Variants in SLC1A7 observed in about 807,000 individuals in gnomAD.
SLC1A7 encodes the protein excitatory amino acid transporter 5.
A neutral mutation model predicts 47.7 loss-of-function variants in SLC1A7; 40 were observed. The ratio of observed to expected loss-of-function variants is 0.84; its 90% CI spans 0.65 to 1.09. The LOEUF (loss-of-function observed/expected upper bound fraction) is 1.09. Ranked by LOEUF, SLC1A7 falls within the 50% of genes least tolerant of loss-of-function variation. The probability of loss-of-function intolerance (pLI) is 0.00; values close to 1 mark genes in which losing one functional copy is unlikely to be tolerated. For synonymous variants in SLC1A7, 323 were observed against 325.6 expected, an observed-to-expected ratio of 0.99 and a Z score of 0.09; for missense variants, 746 against 769.5, an observed-to-expected ratio of 0.97 and a Z score of 0.36.
At position 53,096,334 on chromosome 1, in the gene SLC1A7, A is replaced by C. The variant is rs562051897; in HGVS notation, c.698-2774T>G. ...ACTCACCCCATCTTGGTACACTCACACACCCTGTCTCAGTACACTCACACC... is the reference window on the plus strand; with the variant it reads ...ACTCACCCCATCTTGGTACACTCACCCACCCTGTCTCAGTACACTCACACC... On this transcript the variant is annotated intron_variant, in intron 5 of 10. Transcript: ENST00000371494. 2.0e-4 allele frequency among the ~76,000 whole-genome samples: 29 copies of C among 144,036 alleles called. No individual in the cohort carries two copies. The South Asian group carries it at 6.4e-3, about 32-fold the overall frequency. The allele number at this position is 144,036 out of a possible 152,430, so 94.5% of individuals were successfully genotyped here. A position where few individuals can be genotyped will look rare whatever the true frequency, so the allele number is the denominator to read the frequency against.
intron 7 of SLC1A7, among the ~76,000 whole-genome samples, chr1:53,091,961 A>G (rs113994340): frequency 6.6e-6 from 1 of 152,224 alleles, no homozygotes; most frequent in Admixed American, 6.5e-5. Context: ...CCTTAAGGCC[A>G]AGTGCTGGTT....
intron 3 of SLC1A7, among the ~76,000 whole-genome samples, chr1:53,110,075 T>C (rs1220907351): frequency 6.6e-6 from 1 of 152,192 alleles, no homozygotes; most frequent in African/African-American, 2.4e-5. Flanking sequence ...GTCTTCAAGG[T>C]TGGGCTCTGC....
rs1009622997 is a variant in SLC1A7, at chr1:53,114,712, G to T, written c.431+46C>A. The T allele has an allele frequency of 1.2e-5, 18 of 1,557,414 alleles. No individual in the cohort carries two copies. The Admixed American group carries it at 2.0e-4, about 17-fold the overall frequency. ...GCCTCTGGGGGACCTGGCAGGGCAG[G>T]CTCGGGCCTGGCGTTCCCAAGCGGG... On this transcript the variant is annotated intron_variant, in intron 3 of 10. Coordinates refer to ENST00000371494, the MANE Select transcript of SLC1A7 (RefSeq NM_006671.6).
chr1:53,136,905 A>C (rs142287222), intron 1 of SLC1A7, among the ~76,000 whole-genome samples: 2 of 151,664 alleles, frequency 1.3e-5, no homozygotes, highest in Non-Finnish European at 2.9e-5. Flanking sequence ...GGACTCAAAC[A>C]GTCCTCCCAG....
chr1:53,101,674 A>T (rs1317746868), intron 5 of SLC1A7, among the ~76,000 whole-genome samples: 16 of 150,312 alleles, frequency 1.1e-4, no homozygotes, highest in Non-Finnish European at 1.5e-5. Context: ...ATCTTGGTAC[A>T]CTCACAAACC....
At chr1:53,088,753 G>A in intron 10 of SLC1A7, 124 bp downstream of exon 10, 3 of 714,402 alleles carry the variant, frequency 4.2e-6, no homozygotes, top group Non-Finnish European at 5.0e-6. Flanking sequence ...AGGAGACCGA[G>A]GCCCAGAGGC....
chr1:53,109,831 C>T (rs563691566), intron 3 of SLC1A7, among the ~76,000 whole-genome samples: 27 of 152,132 alleles, frequency 1.8e-4, no homozygotes, highest in African/African-American at 5.6e-4. Flanking sequence ...GGGGTGGGGG[C>T]GTGAGGGGCA....
At chr1:53,114,584 G>A (rs967840852) in intron 3 of SLC1A7, 174 bp downstream of exon 3, 2 of 615,204 alleles carry the variant, frequency 3.3e-6, no homozygotes, top group African/African-American at 1.8e-5. Context: ...TTCTAGCCTG[G>A]TGGGGCAGAC....
Position 53,114,897 on chromosome 1 carries a change from ACAGGTAGTACGCCACGGTGAGGACGCC to A in SLC1A7, c.265_291del (p.Gly89_Leu97del), listed in dbSNP as rs759639277. 1.2e-6 allele frequency: 2 copies of A among 1,614,202 alleles called. No individual in the cohort carries two copies. The highest frequency in any genetic ancestry group is 1.7e-6 in the Non-Finnish European group (2 of 1,180,024). On this transcript the variant is annotated inframe_deletion, in exon 3 of 11. Transcript: ENST00000371494. ...ACGATGACAGCCATGAAGGTGGTCCACAGGTAGTACGCCACGGTGAGGACGCCCAGGCGGCTAGAGGTCTTGGCATCC... is the reference window on the plus strand; with the variant it reads ...ACGATGACAGCCATGAAGGTGGTCCACAGGCGGCTAGAGGTCTTGGCATCC...
intron 3 of SLC1A7, among the ~76,000 whole-genome samples, chr1:53,112,834 C>T (rs1043201656): frequency 3.3e-5 from 5 of 152,130 alleles, no homozygotes; most frequent in Admixed American, 3.3e-4. Flanking sequence ...GAATAAATTG[C>T]CTGAGTCCAG....
intron 2 of SLC1A7, among the ~76,000 whole-genome samples, chr1:53,130,702 G>A (rs1338188500): frequency 6.6e-6 from 1 of 152,144 alleles, no homozygotes; most frequent in African/African-American, 2.4e-5. Flanking sequence ...GCAAACCTCT[G>A]CTTGGACCCT....
At chr1:53,105,890 A>C in intron 3 of SLC1A7, 116 bp from the exon 4 acceptor site, 1 of 796,224 alleles carries the variant, frequency 1.3e-6, no homozygotes, top group Non-Finnish European at 2.2e-6. Context: ...TCCTCAGGCC[A>C]GCCTCCTCTG....
At chr1:53,122,979 C>T (rs1644841407) in intron 2 of SLC1A7, among the ~76,000 whole-genome samples, 1 of 152,076 alleles carries the variant, frequency 6.6e-6, no homozygotes, top group East Asian at 1.9e-4. Flanking sequence ...CCCTGGCATG[C>T]CCTGCTGCCC....
intron 4 of SLC1A7, 41 bp from the exon 5 acceptor site, chr1:53,103,609 GGGTT>G: frequency 8.0e-7 from 1 of 1,244,886 alleles, no homozygotes; most frequent in Non-Finnish European, 1.1e-6. Flanking sequence ...TCAGGGCCAA[GGGTT>G]GTTACTAATA....
rs1317256938 is a variant in SLC1A7 at position 53,087,882 on chromosome 1, G to T, written c.*127C>A. 4 of 475,624 alleles carry T rather than the reference G, an allele frequency of 8.4e-6. No homozygotes were observed. The highest frequency in any genetic ancestry group is 4.0e-5 in the African/African-American group (2 of 50,226). The allele number at this position is 475,624 out of a possible 1,614,324, so 29.5% of individuals were successfully genotyped here. ...TTTCCGTCAAGCGGGGTTAATTCCAGCCTCTCAAGGGTGAGAAGAATGTGT... is the reference window on the plus strand; with the variant it reads ...TTTCCGTCAAGCGGGGTTAATTCCATCCTCTCAAGGGTGAGAAGAATGTGT... On this transcript the variant is annotated 3_prime_UTR_variant, in exon 11 of 11. Coordinates refer to ENST00000371494, the MANE Select transcript of SLC1A7 (RefSeq NM_006671.6).
intron 3 of SLC1A7, among the ~76,000 whole-genome samples, chr1:53,111,387 C>T (rs977168773): frequency 1.3e-5 from 2 of 152,278 alleles, no homozygotes; most frequent in African/African-American, 4.8e-5. Context: ...GCGGTGCAGG[C>T]TACGACTTTG....
intron 2 of SLC1A7, 53 bp downstream of exon 2, chr1:53,134,297 G>A (rs1235053804): frequency 1.5e-6 from 2 of 1,340,106 alleles, no homozygotes; most frequent in South Asian, 1.2e-5. Context: ...AGCAACAGAA[G>A]CCATCCTCTA....
intron 5 of SLC1A7, among the ~76,000 whole-genome samples, chr1:53,097,944 CACACACCAT>C (rs1644517652): frequency 1.7e-4 from 7 of 40,764 alleles, no homozygotes; most frequent in Non-Finnish European, 9.5e-4. Flanking sequence ...TCGGTACACT[CACACACCAT>C]GCCTCGGTAC....
intron 6 of SLC1A7, 45 bp downstream of exon 6, chr1:53,093,416 C>T: frequency 1.4e-6 from 2 of 1,452,478 alleles, no homozygotes; most frequent in Non-Finnish European, 1.9e-6. Context: ...TCCCTCCATC[C>T]ACCCAGGGCT....
Sources: allele counts gnomAD v4.1 joint callset (sites outside exome capture counted in the v4.1 genomes callset), GRCh38; gene constraint gnomAD v4.1.1; transcripts MANE v1.5; gene names NCBI Gene and HGNC (gene_info 2026-07-23, HGNC 2026-07-21).